The following USP48 variants were observed in gnomAD, a reference collection of about 807,000 sequenced individuals.
USP48 encodes the protein ubiquitin carboxyl-terminal hydrolase 48.
USP48 carries 43 observed loss-of-function variants against 150.7 expected under a neutral mutation model. The observed-to-expected ratio is 0.29, with a 90% CI of 0.22 to 0.37. USP48 has a LOEUF of 0.37. Ranked by LOEUF, USP48 falls within the 10% of genes least tolerant of loss-of-function variation. The pLI is 1.00. For missense variants in USP48, 813 were observed against 1,249.6 expected (o/e 0.65, Z 5.27); for synonymous variants, 396 against 425.9 (o/e 0.93, Z 0.86).
chr1:21,776,127 T>C (rs1016547121), intron 1 of USP48, among the ~76,000 whole-genome samples: 18 of 152,070 alleles, frequency 1.2e-4, no homozygotes, highest in African/African-American at 4.1e-4. Flanking sequence ...CACACATCCC[T>C]TACCCAACAA....
chr1:21,734,931 T>C (rs2097765437), intron 9 of USP48, among the ~76,000 whole-genome samples: 2 of 152,210 alleles, frequency 1.3e-5, no homozygotes, highest in Admixed American at 1.3e-4. Flanking sequence ...AAGTACATAC[T>C]AGGATACTAT....
At chr1:21,718,355 T>TCCCAGA (rs2097710468) in intron 14 of USP48, among the ~76,000 whole-genome samples, 2 of 152,246 alleles carry the variant, frequency 1.3e-5, no homozygotes. Flanking sequence ...TGATTGTATC[T>TCCCAGA]GGTGGGAAGG....
chr1:21,708,810 G>A (rs1194333119), intron 15 of USP48, among the ~76,000 whole-genome samples: 2 of 143,008 alleles, frequency 1.4e-5, no homozygotes, highest in Admixed American at 7.0e-5. Flanking sequence ...GCTTGAACCC[G>A]GGAGGCAGAG....
intron 1 of USP48, among the ~76,000 whole-genome samples, chr1:21,761,979 A>C (rs1319300473): frequency 6.8e-6 from 1 of 146,576 alleles, no homozygotes; most frequent in African/African-American, 2.5e-5. Context: ...TAAAGAAACA[A>C]AACTGGCCGG....
At chr1:21,686,102 ACT>A (rs2097579678) in intron 25 of USP48, 2 of 151,764 alleles carry the variant, frequency 1.3e-5, no homozygotes, top group African/African-American at 4.8e-5. Flanking sequence ...GGCAACAAAG[ACT>A]CTAAAAAAAA....
chr1:21,707,467 C>T (rs1240264601), intron 15 of USP48, among the ~76,000 whole-genome samples: 1 of 152,162 alleles, frequency 6.6e-6, no homozygotes, highest in Non-Finnish European at 1.5e-5. Context: ...CAGTCAAGCA[C>T]CAACTTCTTT....
chr1:21,735,370 G>A (rs755493496), intron 9 of USP48, among the ~76,000 whole-genome samples: 45 of 79,836 alleles, frequency 5.6e-4, no homozygotes, highest in Non-Finnish European at 1.2e-3. Flanking sequence ...GGAGGCCAAG[G>A]CGGGAGGACT....
At chr1:21,687,017 A>G (rs1038512624) in intron 25 of USP48, 174 bp downstream of exon 25, 1 of 642,816 alleles carries the variant, frequency 1.6e-6, no homozygotes, top group Non-Finnish European at 2.6e-6. Flanking sequence ...GTTTTTGTAG[A>G]TATCTTTCCC....
At chr1:21,757,064 G>A in intron 2 of USP48, 1 of 920,714 alleles carries the variant, frequency 1.1e-6, no homozygotes, top group Non-Finnish European at 1.3e-6. Context: ...TCAGCAGAAT[G>A]ACAAAGTAAA....
intron 25 of USP48, chr1:21,686,878 A>C (rs2097581700): frequency 3.2e-6 from 1 of 314,206 alleles, no homozygotes; most frequent in African/African-American, 2.2e-5. Context: ...CCACCTTCAG[A>C]GGTACCTAGG....
At chr1:21,726,953 TTAAA>T (rs2097739275) in intron 11 of USP48, among the ~76,000 whole-genome samples, 1 of 151,928 alleles carries the variant, frequency 6.6e-6, no homozygotes, top group South Asian at 2.1e-4. Context: ...TCAAAGTTCT[TTAAA>T]AAGAAAAAAA....
chr1:21,727,706 A>G, intron 11 of USP48: 1 of 218,348 alleles, frequency 4.6e-6, no homozygotes, highest in Non-Finnish European at 7.8e-6. Flanking sequence ...GAGTTAAAGT[A>G]ACAGATTACA....
chr1:21,754,462 A>G (rs1318077362), intron 3 of USP48, among the ~76,000 whole-genome samples: 2 of 152,222 alleles, frequency 1.3e-5, no homozygotes, highest in Admixed American at 1.3e-4. Context: ...AGAGCCCAGA[A>G]GACAGAAGTC....
intron 3 of USP48, among the ~76,000 whole-genome samples, chr1:21,756,096 C>T (rs904536355): frequency 4.0e-5 from 6 of 151,192 alleles, no homozygotes; most frequent in East Asian, 1.9e-4. Context: ...ACCTGAGAGG[C>T]GGAGGTTGTG....
chr1:21,733,344 G>A (rs1348960283), intron 9 of USP48, among the ~76,000 whole-genome samples: 1 of 152,082 alleles, frequency 6.6e-6, no homozygotes, highest in African/African-American at 2.4e-5. Flanking sequence ...TTGAACCTGG[G>A]AGGTGGAAGT....
At chr1:21,693,519 G>C (rs2097610181) in intron 23 of USP48, among the ~76,000 whole-genome samples, 2 of 152,200 alleles carry the variant, frequency 1.3e-5, no homozygotes, top group African/African-American at 4.8e-5. Context: ...GGGGCTGTGT[G>C]AACAGCTGCC....
intron 8 of USP48, among the ~76,000 whole-genome samples, chr1:21,737,008 T>C (rs543877171): frequency 1.3e-5 from 2 of 152,312 alleles, no homozygotes; most frequent in African/African-American, 4.8e-5. Context: ...TTAAAACTTA[T>C]ACAAACCAGG....
chr1:21,686,283 T>G (rs1004571177), intron 25 of USP48: 5 of 152,232 alleles, frequency 3.3e-5, no homozygotes, highest in African/African-American at 1.2e-4. Flanking sequence ...AGGAAAGGCT[T>G]TAAGCTTTTC....
chr1:21,767,575 G>T (rs924466826), intron 1 of USP48, among the ~76,000 whole-genome samples: 10 of 151,342 alleles, frequency 6.6e-5, no homozygotes, highest in Admixed American at 2.0e-4. Flanking sequence ...TGCCCACCTC[G>T]GCCTCCCAAA....
Sources: allele counts gnomAD v4.1 joint callset (sites outside exome capture counted in the v4.1 genomes callset), GRCh38; gene constraint gnomAD v4.1.1; transcripts MANE v1.5; gene names NCBI Gene and HGNC (gene_info 2026-07-23, HGNC 2026-07-21).